The following POU2F1 variants were observed in gnomAD, a reference collection of about 807,000 sequenced individuals.
The protein encoded by POU2F1 is POU class 2 homeobox 1.
Under a neutral mutation model 84.9 loss-of-function variants are expected in POU2F1, and 16 were observed. The observed-to-expected ratio is 0.19, with a 90% CI of 0.13 to 0.29. POU2F1 has a LOEUF of 0.29. Among genes scored for constraint, POU2F1 ranks in the 10% least tolerant of loss-of-function variants. The pLI is 1.00. For missense variants in POU2F1, 738 were observed against 942.6 expected (o/e 0.78, Z 2.84); for synonymous variants, 368 against 368.3 (o/e 1.00, Z 0.01).
In POU2F1 at chr1:167,413,101, G is replaced by A; in HGVS notation, c.1977G>A (p.Leu659=). ...LSPALMSNST[L]ATIQALASGG... The stretch of plus-strand genomic sequence containing the variant: ...CAGCTCTAATGAGCAACAGTACACT[G>A]GCAACTATTCAAGGTCAGTAGAAGC... The change falls in exon 15 of 16, where the codon CTG becomes CTA. Residue 659 remains leucine, a synonymous_variant. Coordinates refer to ENST00000367866, the MANE Select transcript of POU2F1 (RefSeq NM_002697.4). 1 of 1,613,306 alleles carries A rather than the reference G, an allele frequency of 6.2e-7. No homozygotes were observed. Among genetic ancestry groups the A allele is most frequent in the South Asian group, 1.1e-5 (1 of 91,062 alleles).
chr1:167,302,883 G>C (rs1195666479), intron 1 of POU2F1, among the ~76,000 whole-genome samples: 1 of 152,106 alleles, frequency 6.6e-6, no homozygotes, highest in East Asian at 1.9e-4. Flanking sequence ...GAATTCTATC[G>C]ATGAGGATTC....
intron 1 of POU2F1, among the ~76,000 whole-genome samples, chr1:167,324,156 G>A (rs1227147508): frequency 2.0e-5 from 3 of 152,100 alleles, no homozygotes; most frequent in Admixed American, 6.6e-5. Context: ...AAATAGTAGG[G>A]ATAAATTATT....
chr1:167,290,433 T>C (rs915406929), intron 1 of POU2F1, among the ~76,000 whole-genome samples: 1 of 152,172 alleles, frequency 6.6e-6, no homozygotes, highest in Non-Finnish European at 1.5e-5. Context: ...ATGTTCTCTT[T>C]TGTGTTGAGA....
chr1:167,363,405 G>GA (rs1659470763), intron 2 of POU2F1, among the ~76,000 whole-genome samples: 2 of 152,136 alleles, frequency 1.3e-5, no homozygotes, highest in South Asian at 4.1e-4. Context: ...ATTGAGGTAT[G>GA]ATTGACAAAA....
chr1:167,412,922 A>G (rs1368586458), intron 14 of POU2F1, 104 bp from the exon 15 acceptor site: 2 of 856,242 alleles, frequency 2.3e-6, no homozygotes, highest in Non-Finnish European at 3.8e-6. Context: ...ATTTCCACCT[A>G]TTTCCCCAGC....
At chr1:167,308,178 T>C (rs1375618856) in intron 1 of POU2F1, among the ~76,000 whole-genome samples, 2 of 151,956 alleles carry the variant, frequency 1.3e-5, no homozygotes, top group African/African-American at 4.8e-5. Context: ...GCAATTCTCC[T>C]GTCTCAGCCT....
At chr1:167,240,955 C>G (rs949064737) in intron 1 of POU2F1, among the ~76,000 whole-genome samples, 9 of 152,034 alleles carry the variant, frequency 5.9e-5, no homozygotes, top group Non-Finnish European at 1.0e-4. Flanking sequence ...CTAGCCTGAC[C>G]AACATGGAGA....
At chr1:167,391,559 CTTTTTTTTTT>C (rs1175783404) in intron 9 of POU2F1, among the ~76,000 whole-genome samples, 3 of 57,894 alleles carry the variant, frequency 5.2e-5, no homozygotes, top group East Asian at 6.6e-4. Flanking sequence ...TTATATATAT[CTTTTTTTTTT>C]TTTTTTTTTT....
At chr1:167,241,938 C>T (rs1298258246) in intron 1 of POU2F1, among the ~76,000 whole-genome samples, 1 of 152,178 alleles carries the variant, frequency 6.6e-6, no homozygotes, top group Non-Finnish European at 1.5e-5. Flanking sequence ...AATTTAATCA[C>T]AAACGCAGCT....
At chr1:167,379,384 G>A (rs1295963292) in intron 7 of POU2F1, 1 of 152,170 alleles carries the variant, frequency 6.6e-6, no homozygotes, top group Non-Finnish European at 1.5e-5. Context: ...GGGAAAATTG[G>A]TAAATAAGTA....
intron 2 of POU2F1, among the ~76,000 whole-genome samples, chr1:167,362,056 A>G (rs1659387367): frequency 6.6e-6 from 1 of 151,766 alleles, no homozygotes; most frequent in South Asian, 2.1e-4. Context: ...ACCTACCTCC[A>G]CATTTCTAGC....
rs191949141 is a variant in POU2F1, at chr1:167,277,966, C to T, written c.62-54504C>T. 1.6e-3 allele frequency among the ~76,000 whole-genome samples: 245 copies of T among 152,282 alleles called. 1 individual carries two copies. The highest frequency in any genetic ancestry group is 5.6e-3 in the African/African-American group (232 of 41,548). ...CCCCTTGCAGCACAATAGTAGCCCT[C>T]CATATCCTTGTTAAATTTGTTCTGT... On this transcript the variant is annotated intron_variant, in intron 1 of 15. Coordinates refer to ENST00000367866, the MANE Select transcript of POU2F1 (RefSeq NM_002697.4).
At chr1:167,354,915 A>T (rs1403604617) in intron 2 of POU2F1, among the ~76,000 whole-genome samples, 1 of 152,010 alleles carries the variant, frequency 6.6e-6, no homozygotes, top group East Asian at 1.9e-4. Flanking sequence ...TTCTTTGTGT[A>T]TTCTGAATAC....
At position 167,385,611 on chromosome 1, in the gene POU2F1, T is replaced by TA. The variant is rs1647916185; in HGVS notation, c.813+1666dup. Among the ~76,000 whole-genome samples the TA allele has an allele frequency of 2.0e-5, 3 of 151,832 alleles. No individual in the cohort carries two copies. In the South Asian group the frequency reaches 6.2e-4, roughly 32 times the overall value. On this transcript the variant is annotated intron_variant, in intron 8 of 15. Coordinates refer to ENST00000367866, the MANE Select transcript of POU2F1 (RefSeq NM_002697.4). ...CAGCTGAAACAATAGGGAAAAAAAA[T>TA]AAAAAACCTTGACTATTATTTCACA... is the stretch of plus-strand genomic sequence containing the variant.
intron 2 of POU2F1, among the ~76,000 whole-genome samples, chr1:167,356,922 A>G (rs1415916750): frequency 6.6e-6 from 1 of 152,162 alleles, no homozygotes; most frequent in Non-Finnish European, 1.5e-5. Flanking sequence ...AGACATGCCC[A>G]TCTGAGGTTT....
chr1:167,290,378 C>CA (rs2102530483), intron 1 of POU2F1, among the ~76,000 whole-genome samples: 1 of 152,266 alleles, frequency 6.6e-6, no homozygotes, highest in Admixed American at 6.5e-5. Context: ...GCCTGGGCGA[C>CA]AGAGCAAGGC....
intron 1 of POU2F1, among the ~76,000 whole-genome samples, chr1:167,320,238 G>A (rs1656215889): frequency 6.6e-6 from 1 of 152,194 alleles, no homozygotes; most frequent in Admixed American, 6.5e-5. Flanking sequence ...ATCAAAAGCA[G>A]TCAATACCTC....
In POU2F1 at chr1:167,416,103, AAAAG is replaced by A. The variant is rs1334449669; in HGVS notation, c.*297_*300del. ...ACCAAAAATTAAAAAAAAAAAAAAA[AAAAG>A]AAACAAAAAAATCAAAAACAAACAA... On this transcript the variant is annotated 3_prime_UTR_variant, in exon 16 of 16. Transcript: ENST00000367866. The A allele has an allele frequency of 1.1e-5, 6 of 541,950 alleles. No individual in the cohort carries two copies. Among genetic ancestry groups the A allele is most frequent in the South Asian group, 8.9e-5 (5 of 56,164 alleles). The allele number at this position is 541,950 out of a possible 1,614,324, so 33.6% of individuals were successfully genotyped here.
chr1:167,333,189 C>T (rs1169368623), intron 2 of POU2F1, among the ~76,000 whole-genome samples: 1 of 152,030 alleles, frequency 6.6e-6, no homozygotes, highest in Non-Finnish European at 1.5e-5. Flanking sequence ...AATGAGAATA[C>T]TGAGGCCCCA....
Sources: allele counts gnomAD v4.1 joint callset (sites outside exome capture counted in the v4.1 genomes callset), GRCh38; gene constraint gnomAD v4.1.1; transcripts MANE v1.5; gene names NCBI Gene and HGNC (gene_info 2026-07-23, HGNC 2026-07-21).